Variants in ZP3 observed in about 807,000 individuals in gnomAD.
The protein encoded by ZP3 is zona pellucida glycoprotein 3, also known as zona pellucida sperm-binding protein 3.
ZP3 carries 21 observed loss-of-function variants against 35.6 expected under a neutral mutation model. The ratio of observed to expected loss-of-function variants is 0.59; its 90% CI spans 0.42 to 0.85. ZP3 has a LOEUF of 0.85. Among genes scored for constraint, ZP3 ranks in the 40% least tolerant of loss-of-function variants. The probability of loss-of-function intolerance (pLI) is 0.00; values close to 1 mark genes in which losing one functional copy is unlikely to be tolerated. For missense variants in ZP3, 437 were observed against 536.5 expected (o/e 0.81, Z 1.83); for synonymous variants, 207 against 214.5 (o/e 0.96, Z 0.31).
At chr7:76,403,899 G>C (rs1373772860) in intron 1 of ZP3, among the ~76,000 whole-genome samples, 3 of 152,100 alleles carry the variant, frequency 2.0e-5, no homozygotes, top group Non-Finnish European at 4.4e-5. Context: ...CTGATCTCAG[G>C]TGATCTTTCC....
chr7:76,438,044 G>A (rs1350210870), intron 5 of ZP3, among the ~76,000 whole-genome samples: 2 of 152,244 alleles, frequency 1.3e-5, no homozygotes, highest in African/African-American at 4.8e-5. Flanking sequence ...CTCTGCTGGT[G>A]TACTTGGCCA....
intron 1 of ZP3, among the ~76,000 whole-genome samples, chr7:76,410,331 T>G (rs1376147548): frequency 6.7e-6 from 1 of 150,146 alleles, no homozygotes; most frequent in Non-Finnish European, 1.5e-5. Context: ...GCACCCAGCC[T>G]AATTTTGCCT....
Position 76,432,944 on chromosome 7 carries a change from G to C in ZP3, c.449G>C (p.Ser150Thr). The C allele has an allele frequency of 6.2e-7, 1 of 1,614,064 alleles. No homozygotes were observed. Among genetic ancestry groups the C allele is most frequent in the Non-Finnish European group, 8.5e-7 (1 of 1,180,018 alleles). Residue 150 changes from serine to threonine, a missense_variant, in exon 3 of 8, where the codon AGC becomes ACC. Physicochemically the swap from Ser to Thr is moderately conservative, Grantham distance 58. Around this residue, in one of 6 missense-constraint regions of ZP3, gnomAD observed 352 missense variants for 308.4 expected, o/e 1.14. Transcript: ENST00000394857. ...CRYPRQGNVS[S>T]QAILPTWLPF... ...TCTCTCAGGCAGGGCAATGTGAGCA[G>C]CCAGGCCATCCTGCCCACCTGGTTG...
At chr7:76,417,345 C>T (rs1240569314) in intron 1 of ZP3, among the ~76,000 whole-genome samples, 1 of 152,100 alleles carries the variant, frequency 6.6e-6, no homozygotes, top group African/African-American at 2.4e-5. Flanking sequence ...AGGCGTGAGC[C>T]ACCGTGCCCG....
At chr7:76,423,791 G>A (rs1251454346), upstream of ZP3, among the ~76,000 whole-genome samples, 1 of 152,016 alleles carries the variant, frequency 6.6e-6, no homozygotes, top group Admixed American at 6.6e-5. Context: ...GAACCTGGGA[G>A]GCGGAGGCTG....
intron 1 of ZP3, among the ~76,000 whole-genome samples, chr7:76,415,417 A>G (rs975902193): frequency 4.6e-5 from 6 of 130,700 alleles, no homozygotes; most frequent in Non-Finnish European, 9.0e-5. Flanking sequence ...TAACTATGAC[A>G]ACTATGACAA....
rs1806209738 is a variant in ZP3, at chr7:76,441,853, G to A, written c.1072G>A (p.Ala358Thr). 1 of 1,613,656 alleles carries A rather than the reference G, an allele frequency of 6.2e-7. No individual in the cohort carries two copies. Among genetic ancestry groups the A allele is most frequent in the Non-Finnish European group, 8.5e-7 (1 of 1,179,738 alleles). ...SRNRRHVTEE[A>T]DVTVGPLIFL... ...TTCTCCTTTCACAGTGACAGAAGAA[G>A]CAGATGTCACCGTGGGGCCACTGAT... The change falls in exon 8 of 8, where the codon GCA becomes ACA. Residue 358 changes from alanine (A) to threonine (T), a missense_variant. Coordinates refer to ENST00000394857, the MANE Select transcript of ZP3 (RefSeq NM_001110354.2).
At chr7:76,401,092 T>C in intron 1 of ZP3, 1 of 1,494,074 alleles carries the variant, frequency 6.7e-7, no homozygotes, top group African/African-American at 1.4e-5. Context: ...ACACCATGGC[T>C]CCCTGGTCCC....
intron 7 of ZP3, 151 bp downstream of exon 7, chr7:76,440,762 G>A (rs1049567264): frequency 3.0e-6 from 4 of 1,346,854 alleles, no homozygotes; most frequent in Non-Finnish European, 4.0e-6. Context: ...CACAAATCTT[G>A]GGGTTAAGCA....
intron 1 of ZP3, among the ~76,000 whole-genome samples, chr7:76,418,025 C>T (rs1805417088): frequency 6.6e-6 from 1 of 150,922 alleles, no homozygotes; most frequent in African/African-American, 2.4e-5. Context: ...GCAATCTCCG[C>T]CTCCCGGGTT....
At chr7:76,401,701 G>A (rs189164125) in intron 1 of ZP3, among the ~76,000 whole-genome samples, 24 of 152,306 alleles carry the variant, frequency 1.6e-4, no homozygotes, top group Non-Finnish European at 3.1e-4. Flanking sequence ...ATAGGTGTGA[G>A]CCAACACACC....
intron 3 of ZP3, 151 bp from the exon 4 acceptor site, chr7:76,433,319 T>C: frequency 3.7e-6 from 3 of 814,010 alleles, no homozygotes; most frequent in Non-Finnish European, 3.8e-6. Flanking sequence ...CACACCCAGC[T>C]AACTTTTCTA....
At chr7:76,433,697 A>G (rs1805907775) in intron 4 of ZP3, 50 bp downstream of exon 4, 1 of 1,542,466 alleles carries the variant, frequency 6.5e-7, no homozygotes, top group South Asian at 1.2e-5. Flanking sequence ...AAATGACCCT[A>G]AAGCCACCTG....
chr7:76,424,408 C>G (rs1805591013), upstream of ZP3, among the ~76,000 whole-genome samples: 1 of 152,158 alleles, frequency 6.6e-6, no homozygotes, highest in Non-Finnish European at 1.5e-5. Flanking sequence ...GCAGGAGGAT[C>G]ACTGGAGGTC....
At chr7:76,424,020 C>A (rs1007006949), upstream of ZP3, among the ~76,000 whole-genome samples, 2 of 152,058 alleles carry the variant, frequency 1.3e-5, no homozygotes, top group Admixed American at 6.6e-5. Flanking sequence ...TGACCTACCC[C>A]CCGGCCTCCC....
At chr7:76,408,579 C>T (rs962657912) in intron 1 of ZP3, among the ~76,000 whole-genome samples, 1 of 152,138 alleles carries the variant, frequency 6.6e-6, no homozygotes, top group Non-Finnish European at 1.5e-5. Context: ...CTCAGCTTCC[C>T]CACCTCTATC....
In ZP3 at chr7:76,433,019, G is replaced by C. The variant is rs200472178; in HGVS notation, c.524G>C (p.Arg175Pro). The C allele has an allele frequency of 1.9e-6, 3 of 1,613,602 alleles. No homozygotes were observed. Among genetic ancestry groups the C allele is most frequent in the East Asian group, 2.2e-5 (1 of 44,876 alleles). ...FSEEKLTFSLRLMEENWNAEK... is the reference protein window; with the variant it reads ...FSEEKLTFSLPLMEENWNAEK... ...GAGGAGAAGCTGACTTTCTCTCTGCGTCTGATGGAGGGTAAGAGAAGAAGG... is the reference window on the plus strand; with the variant it reads ...GAGGAGAAGCTGACTTTCTCTCTGCCTCTGATGGAGGGTAAGAGAAGAAGG... The change falls in exon 3 of 8, where the codon CGT (arginine) becomes CCT (proline). Residue 175 changes from arginine to proline, a missense_variant. Coordinates refer to ENST00000394857, the MANE Select transcript of ZP3 (RefSeq NM_001110354.2).
chr7:76,438,502 G>C (rs1339638876), intron 5 of ZP3, among the ~76,000 whole-genome samples: 2 of 137,848 alleles, frequency 1.5e-5, no homozygotes, highest in Non-Finnish European at 3.0e-5. Flanking sequence ...TGGCTACAGT[G>C]TACTCCAGCC....
intron 5 of ZP3, among the ~76,000 whole-genome samples, chr7:76,439,151 A>C (rs1806117782): frequency 6.9e-6 from 1 of 144,748 alleles, no homozygotes; most frequent in African/African-American, 2.5e-5. Context: ...AAAAAAAAAA[A>C]CCTCTTAAGT....
Sources: gnomAD v4.1 joint callset for allele counts (sites outside exome capture counted in the v4.1 genomes callset) on GRCh38, gnomAD v4.1.1 for gene constraint, gnomAD v4.1.1 regional missense constraint, MANE v1.5 for transcripts, NCBI Gene and HGNC (gene_info 2026-07-23, HGNC 2026-07-21) for gene names.